The following ZNF106 variants were observed in gnomAD, a reference collection of about 807,000 sequenced individuals.
The protein encoded by ZNF106 is SH3-domain binding protein 3.
In ZNF106, 67 loss-of-function variants were observed where a neutral mutation model predicts 195.1. That is an observed-to-expected ratio of 0.34 (90% CI 0.28 to 0.42). The LOEUF is 0.42. Among genes scored for constraint, ZNF106 ranks in the 10% least tolerant of loss-of-function variants. The pLI, the probability that ZNF106 is intolerant of heterozygous loss-of-function variation, is 1.00. For synonymous variants in ZNF106, 784 were observed against 818.6 expected, an observed-to-expected ratio of 0.96 and a Z score of 0.72; for missense variants, 2,118 against 2,304.5, an observed-to-expected ratio of 0.92 and a Z score of 1.66.
intron 3 of ZNF106, among the ~76,000 whole-genome samples, chr15:42,464,348 A>AC (rs1567025872): frequency 2.6e-5 from 4 of 151,712 alleles, no homozygotes; most frequent in Non-Finnish European, 4.4e-5. Flanking sequence ...TCAAAAAAAA[A>AC]AAAACAAAAA....
chr15:42,482,524 T>TTTTTG (rs2056922257), intron 1 of ZNF106, among the ~76,000 whole-genome samples: 1 of 128,124 alleles, frequency 7.8e-6, no homozygotes, highest in Non-Finnish European at 1.6e-5. Flanking sequence ...AATCTCCAGT[T>TTTTTG]TTTTTTTTTT....
chr15:42,486,193 C>T (rs924443810), intron 1 of ZNF106, among the ~76,000 whole-genome samples: 3 of 151,862 alleles, frequency 2.0e-5, no homozygotes, highest in East Asian at 3.9e-4. Context: ...CCCTTGACCT[C>T]GTGATCCGCC....
chr15:42,458,575 G>C (rs180922409), intron 3 of ZNF106, among the ~76,000 whole-genome samples: 10 of 151,960 alleles, frequency 6.6e-5, no homozygotes. Context: ...TGGTGTGGTG[G>C]TGTGCACCTG....
rs1232535336 is a variant in ZNF106, at chr15:42,421,974, T to C, written c.5388A>G (p.Leu1796=). ...TGTCTTTGTGTCCTCCATAAACTTGTAATCGATCATGAGACTTAGGCAGAA... is the reference window on the plus strand; with the variant it reads ...TGTCTTTGTGTCCTCCATAAACTTGCAATCGATCATGAGACTTAGGCAGAA... ...RVYELQSHDR[L]QVYGGHKDMI... is the part of the protein sequence containing the mutation. Residue 1796 remains leucine, a synonymous_variant, in exon 19 of 22, where the codon TTA becomes TTG. Coordinates refer to ENST00000564754, the MANE Select transcript of ZNF106 (RefSeq NM_001366845.3). 1 of 1,583,512 alleles carries C rather than the reference T, an allele frequency of 6.3e-7. No individual in the cohort carries two copies. The highest frequency in any genetic ancestry group is 8.6e-7 in the Non-Finnish European group (1 of 1,163,888).
In ZNF106 at chr15:42,417,820, C is replaced by T. The variant is rs1193340194; in HGVS notation, c.5649G>A (p.Arg1883=). The T allele has an allele frequency of 6.2e-7, 1 of 1,613,804 alleles. No homozygotes were observed. The highest frequency in any genetic ancestry group is 1.1e-5 in the South Asian group (1 of 91,014). The change falls in exon 21 of 22, where the codon AGG becomes AGA. Residue 1883 remains arginine, a synonymous_variant. Coordinates refer to ENST00000564754, the MANE Select transcript of ZNF106 (RefSeq NM_001366845.3). ...WKNCDAFFTA[R]KGSKQDAAGH... ...ACTAATGTACCTGTTTGGATCCTTT[C>T]CTAGCAGTGAAAAAAGCATCGCAGT...
chr15:42,424,646 T>G, intron 16 of ZNF106, 188 bp downstream of exon 16: 1 of 560,632 alleles, frequency 1.8e-6, no homozygotes, highest in Non-Finnish European at 3.1e-6. Flanking sequence ...ATCCCGCTAA[T>G]TTTTGTATTT....
intron 4 of ZNF106, 42 bp from the exon 5 acceptor site, chr15:42,451,996 C>T (rs1460967972): frequency 1.3e-6 from 2 of 1,562,014 alleles, no homozygotes; most frequent in African/African-American, 2.7e-5. Context: ...TAAAGGAATT[C>T]CTATGCTACC....
rs955096643 is a variant in ZNF106, at chr15:42,414,164, G to A, written c.*3140C>T. On this transcript the variant is annotated 3_prime_UTR_variant, in exon 22 of 22. Transcript: ENST00000564754. Reference sequence around the variant, plus strand: ...TCTTTCCTTCACAAAGCCACTAAATGCCAGAGTCAACACAGATCCCTGAGC... The same window carrying A: ...TCTTTCCTTCACAAAGCCACTAAATACCAGAGTCAACACAGATCCCTGAGC... The A allele has an allele frequency of 3.9e-5, 6 of 152,140 alleles. No homozygotes were observed. The highest frequency in any genetic ancestry group is 1.4e-4 in the African/African-American group (6 of 41,426). 9.4% of individuals were successfully genotyped at this position (152,140 alleles called of 1,614,324 possible). A position where few individuals can be genotyped will look rare whatever the true frequency, so the allele number is the denominator to read the frequency against.
intron 20 of ZNF106, among the ~76,000 whole-genome samples, chr15:42,420,495 G>T (rs1206090107): frequency 6.6e-6 from 1 of 152,118 alleles, no homozygotes; most frequent in Non-Finnish European, 1.5e-5. Context: ...CAAGCGTAAA[G>T]TCGAATTTTA....
At chr15:42,426,714 ACTT>A (rs919592172) in intron 15 of ZNF106, among the ~76,000 whole-genome samples, 1 of 151,928 alleles carries the variant, frequency 6.6e-6, no homozygotes, top group Non-Finnish European at 1.5e-5. Context: ...ACTTCTGTCT[ACTT>A]CTGATAATCT....
At chr15:42,421,661 C>A (rs1447357303) in intron 19 of ZNF106, among the ~76,000 whole-genome samples, 3 of 152,194 alleles carry the variant, frequency 2.0e-5, no homozygotes, top group Non-Finnish European at 4.4e-5. Context: ...AGGCACCACT[C>A]AATTTTTTGA....
Position 42,417,819 on chromosome 15 carries a change from T to G in ZNF106, c.5650A>C (p.Lys1884Gln), listed in dbSNP as rs2054511763. The G allele has an allele frequency of 6.2e-7, 1 of 1,613,924 alleles. No individual in the cohort carries two copies. The highest frequency in any genetic ancestry group is 8.5e-7 in the Non-Finnish European group (1 of 1,179,878). Residue 1884 changes from lysine to glutamine, a missense_variant, in exon 21 of 22, where the codon AAA becomes CAA. Coordinates refer to ENST00000564754, the MANE Select transcript of ZNF106 (RefSeq NM_001366845.3). ...CACTAATGTACCTGTTTGGATCCTTTCCTAGCAGTGAAAAAAGCATCGCAG... is the reference window on the plus strand; with the variant it reads ...CACTAATGTACCTGTTTGGATCCTTGCCTAGCAGTGAAAAAAGCATCGCAG... Reference protein sequence around the residue: ...KNCDAFFTARKGSKQDAAGHI... With the variant: ...KNCDAFFTARQGSKQDAAGHI...
Position 42,439,388 on chromosome 15 carries a change from G to C in ZNF106, c.4189C>G (p.Gln1397Glu). 6.2e-7 allele frequency: 1 copy of C among 1,614,032 alleles called. No homozygotes were observed. The highest frequency in any genetic ancestry group is 8.5e-7 in the Non-Finnish European group (1 of 1,180,026). The change falls in exon 11 of 22, where the codon CAG becomes GAG. Residue 1397 changes from glutamine to glutamate, a missense_variant. Gln to Glu is a conservative substitution (Grantham distance 29, BLOSUM62 2). Transcript: ENST00000564754. ...ACAGGTTTAACAGTCAAAACATCCT[G>C]TTCAGTGTCACTATTCTCAGGAACA... Reference protein sequence around the residue: ...AHVPENSDTEQDVLTVKPVRK... With the variant: ...AHVPENSDTEEDVLTVKPVRK...
chr15:42,450,088 T>A lies in ZNF106; in HGVS notation c.2184A>T (p.Lys728Asn). Residue 728 changes from lysine to asparagine, a missense_variant, in exon 5 of 22, where the codon AAA becomes AAT. Physicochemically the swap from Lys to Asn is moderately conservative, Grantham distance 94. Transcript: ENST00000564754. ...ESASLDAELQ[K>N]SDISQPSGPL... is the part of the protein sequence containing the mutation. The stretch of plus-strand genomic sequence containing the variant: ...GGCCCGAGGGCTGACTGATGTCACT[T>A]TTTTGAAGCTCTGCATCCAAGCTAG... 6.2e-7 allele frequency: 1 copy of A among 1,614,202 alleles called. No individual in the cohort carries two copies. The highest frequency in any genetic ancestry group is 8.5e-7 in the Non-Finnish European group (1 of 1,180,028).
chr15:42,425,261 T>G (rs2054812926), intron 15 of ZNF106, among the ~76,000 whole-genome samples: 1 of 152,186 alleles, frequency 6.6e-6, no homozygotes, highest in African/African-American at 2.4e-5. Context: ...ATTTATAACT[T>G]CAACCCACAC....
Position 42,457,019 on chromosome 15 carries a change from C to A in ZNF106, c.256G>T (p.Glu86Ter). 6.2e-7 allele frequency: 1 copy of A among 1,609,960 alleles called. No individual in the cohort carries two copies. Among genetic ancestry groups the A allele is most frequent in the Non-Finnish European group, 8.5e-7 (1 of 1,177,716 alleles). ...REDDGKGEEEEEDYFDKELIQ... is the reference protein window; with the variant it reads ...REDDGKGEEE Reference sequence around the variant, plus strand: ...AGTTCCTTGTCAAAATAATCTTCTTCCTCTTCCTCTCCTTTTCCATCATCT... The same window carrying A: ...AGTTCCTTGTCAAAATAATCTTCTTACTCTTCCTCTCCTTTTCCATCATCT... The change falls in exon 4 of 22, where the codon GAA becomes TAA. Residue 86 changes from glutamate (E) to a stop codon, truncating the protein, a stop_gained. Coordinates refer to ENST00000564754, the MANE Select transcript of ZNF106 (RefSeq NM_001366845.3). LOFTEE classifies it high-confidence loss of function.
chr15:42,446,377 T>C (rs1449335375), intron 7 of ZNF106, among the ~76,000 whole-genome samples: 1 of 152,102 alleles, frequency 6.6e-6, no homozygotes, highest in East Asian at 1.9e-4. Flanking sequence ...GTCCAGGAGT[T>C]TGAGTCCAGC....
Position 42,439,186 on chromosome 15 carries a change from G to A in ZNF106, c.4391C>T (p.Ser1464Leu), listed in dbSNP as rs749255031. The A allele has an allele frequency of 8.7e-6, 14 of 1,613,930 alleles. No individual in the cohort carries two copies. The highest frequency in any genetic ancestry group is 2.2e-5 in the South Asian group (2 of 91,074). Reference sequence around the variant, plus strand: ...GTCTGGTTTCTCTTCTCCTGATTCTGAAGAATCAATGGCTACTACTTCTAA... The same window carrying A: ...GTCTGGTTTCTCTTCTCCTGATTCTAAAGAATCAATGGCTACTACTTCTAA... ...PQLEVVAIDS[S>L]ESGEEKPDSP... is the part of the protein sequence containing the mutation. The change falls in exon 11 of 22, where the codon TCA becomes TTA. Residue 1464 changes from serine (S) to leucine (L), a missense_variant. Physicochemically the swap from Ser to Leu is moderately radical, Grantham distance 145 (BLOSUM62 -2). Transcript: ENST00000564754.
chr15:42,452,057 A>C, intron 4 of ZNF106, 103 bp from the exon 5 acceptor site: 1 of 1,300,816 alleles, frequency 7.7e-7, no homozygotes, highest in East Asian at 2.3e-5. Flanking sequence ...CCCGTTACTT[A>C]GAATATGTAA....
Sources: gnomAD v4.1 joint callset for allele counts (sites outside exome capture counted in the v4.1 genomes callset) on GRCh38, gnomAD v4.1.1 for gene constraint, MANE v1.5 for transcripts, NCBI Gene and HGNC (gene_info 2026-07-23, HGNC 2026-07-21) for gene names.